ANKAR: variants seen among roughly 807,000 people sequenced by gnomAD.
ANKAR encodes ankyrin and armadillo repeat-containing protein.
ANKAR carries 136 observed loss-of-function variants against 146.2 expected under a neutral mutation model. The ratio of observed to expected loss-of-function variants is 0.93; its 90% CI spans 0.81 to 1.07. The LOEUF is 1.07. Ranked by LOEUF, ANKAR falls within the 50% of genes least tolerant of loss-of-function variation. ANKAR has a pLI of 0.00. For synonymous variants in ANKAR, 500 were observed against 575.8 expected, an observed-to-expected ratio of 0.87 and a Z score of 1.88; for missense variants, 1,567 against 1,679.9, an observed-to-expected ratio of 0.93 and a Z score of 1.18.
intron 20 of ANKAR, among the ~76,000 whole-genome samples, chr2:189,742,935 C>CTAGAATTACCTG (rs1430727405): frequency 2.2e-5 from 3 of 136,698 alleles, no homozygotes; most frequent in Non-Finnish European, 1.6e-5. Context: ...CACACACACA[C>CTAGAATTACCTG]ACACACACAC....
chr2:189,762,338 G>C (rs1310608304), downstream of ANKAR, among the ~76,000 whole-genome samples: 1 of 152,096 alleles, frequency 6.6e-6, no homozygotes, highest in Non-Finnish European at 1.5e-5. Context: ...CAGATCATCC[G>C]TTCTAAAACT....
At chr2:189,679,305 T>C (rs2034265265) in intron 2 of ANKAR, among the ~76,000 whole-genome samples, 1 of 152,238 alleles carries the variant, frequency 6.6e-6, no homozygotes, top group Non-Finnish European at 1.5e-5. Flanking sequence ...TTTGTGTTCA[T>C]TGATTTTGTA....
At chr2:189,703,267 A>C (rs2038347944) in intron 7 of ANKAR, among the ~76,000 whole-genome samples, 1 of 152,332 alleles carries the variant, frequency 6.6e-6, no homozygotes, top group East Asian at 1.9e-4. Flanking sequence ...GGGTTGGATA[A>C]GGGCAAAACA....
intron 7 of ANKAR, among the ~76,000 whole-genome samples, chr2:189,698,628 C>T (rs1305786737): frequency 2.6e-5 from 4 of 152,154 alleles, no homozygotes; most frequent in Admixed American, 2.0e-4. Flanking sequence ...AAATTACGTA[C>T]AACGAACTGA....
At chr2:189,761,376 C>T, downstream of ANKAR, 1 of 1,553,458 alleles carries the variant, frequency 6.4e-7, no homozygotes, top group Non-Finnish European at 8.6e-7. Context: ...AATGATTTTA[C>T]TTTTTCCAAA....
intron 2 of ANKAR, 43 bp downstream of exon 2, chr2:189,677,134 TG>T (rs113424445): frequency 0.016 from 14,545 of 910,550 alleles, 2 homozygotes; most frequent in Middle Eastern, 0.02. Context: ...TTTTTTTTTT[TG>T]GAACAGAGTC....
At chr2:189,711,618 C>T (rs1157954173) in intron 10 of ANKAR, among the ~76,000 whole-genome samples, 1 of 152,172 alleles carries the variant, frequency 6.6e-6, no homozygotes, top group Admixed American at 6.5e-5. Flanking sequence ...AATGGCTCTA[C>T]TGGGGTCCGT....
chr2:189,700,008 T>G (rs147793042), intron 7 of ANKAR, among the ~76,000 whole-genome samples: 2 of 152,102 alleles, frequency 1.3e-5, no homozygotes, highest in East Asian at 3.9e-4. Flanking sequence ...TTAGCTCAAT[T>G]AAGACAAAGA....
In ANKAR at chr2:189,676,549, C is replaced by G. The variant is rs1486784723; in HGVS notation, c.59C>G (p.Thr20Ser). ...PRFEQVQDED[T>S]YLENLAIQRN... ...TTTGAGCAAGTTCAGGATGAAGACA[C>G]CTACCTGGAAAATTTAGCAATACAA... The change falls in exon 2 of 23, where the codon ACC (threonine) becomes AGC (serine). Residue 20 changes from threonine (T) to serine (S), a missense_variant. Coordinates refer to ENST00000684021, the MANE Select transcript of ANKAR (RefSeq NM_001378068.1). 1 of 1,600,366 alleles carries G rather than the reference C, an allele frequency of 6.2e-7. No homozygotes were observed. The highest frequency in any genetic ancestry group is 1.3e-5 in the African/African-American group (1 of 74,736).
At chr2:189,681,011 T>TG (rs397818188) in intron 2 of ANKAR, among the ~76,000 whole-genome samples, 8 of 151,186 alleles carry the variant, frequency 5.3e-5, no homozygotes, top group Non-Finnish European at 8.9e-5. Flanking sequence ...GCCTTGACAT[T>TG]CTGACGAAAT....
chr2:189,714,830 C>T (rs751535905), intron 10 of ANKAR, among the ~76,000 whole-genome samples: 22 of 151,754 alleles, frequency 1.4e-4, no homozygotes, highest in South Asian at 4.2e-4. Flanking sequence ...CCTGTAGTCC[C>T]GGCTACTTGG....
At position 189,737,792 on chromosome 2, in the gene ANKAR, G is replaced by A. The variant is rs756437780; in HGVS notation, c.3533G>A (p.Arg1178His). 19 of 1,578,022 alleles carry A rather than the reference G, an allele frequency of 1.2e-5. No individual in the cohort carries two copies. Among genetic ancestry groups the A allele is most frequent in the East Asian group, 2.4e-5 (1 of 41,916 alleles). The change falls in exon 18 of 23, where the codon CGT becomes CAT. Residue 1178 changes from arginine to histidine, a missense_variant. Arg to His is a conservative substitution (Grantham distance 29). Coordinates refer to ENST00000684021, the MANE Select transcript of ANKAR (RefSeq NM_001378068.1). ...ATAATGACCATATCTATTTTTGAAC[G>A]TTTTCTTGAATCAACAGTTGAAACT... ...SGIMTISIFE[R>H]FLESTVETEK... is the part of the protein sequence containing the mutation.
chr2:189,752,654 T>C (rs1200673079), intron 18 of ANKAR: 2 of 1,613,654 alleles, frequency 1.2e-6, no homozygotes, highest in Admixed American at 3.3e-5. Flanking sequence ...ACCACATACT[T>C]TGGTTCATAG....
Position 189,746,597 on chromosome 2 carries a change from G to A in ANKAR, c.4275G>A (p.Gln1425=), listed in dbSNP as rs572128308. ...TGAACCAACTTGGGAAACATGTCCA[G>A]AAAGCCAACCCAGAGCCTGCAGAAG... ...VCLNQLGKHV[Q]KANPEPAEG is the part of the protein sequence containing the mutation. The change falls in exon 23 of 23, where the codon CAG becomes CAA. Residue 1425 remains glutamine (Q), a synonymous_variant. Coordinates refer to ENST00000684021, the MANE Select transcript of ANKAR (RefSeq NM_001378068.1). 7.0e-5 allele frequency: 112 copies of A among 1,611,426 alleles called. No individual in the cohort carries two copies. In the Middle Eastern group the frequency reaches 8.3e-4, roughly 12 times the overall value.
chr2:189,745,021 C>CTAATAA lies in ANKAR; in HGVS notation c.4057+235_4057+236insATAATA, dbSNP rs1249558167. ...ACTACTACTACTACTACTACTACTA[C>CTAATAA]TACTACTAATAATACAAAAATTAGC... On this transcript the variant is annotated intron_variant, in intron 22 of 22. Coordinates refer to ENST00000684021, the MANE Select transcript of ANKAR (RefSeq NM_001378068.1). Among the ~76,000 whole-genome samples the CTAATAA allele has an allele frequency of 4.9e-4, 20 of 41,098 alleles. No individual in the cohort carries two copies. The South Asian group carries it at 7.6e-3, about 16-fold the overall frequency. 27.0% of individuals were successfully genotyped at this position (41,098 alleles called of 152,430 possible).
chr2:189,715,518 G>T (rs945696902), intron 10 of ANKAR, among the ~76,000 whole-genome samples: 13 of 152,186 alleles, frequency 8.5e-5, no homozygotes, highest in African/African-American at 2.9e-4. Context: ...ATACAAAGAG[G>T]AGCTGGTACC....
chr2:189,675,886 G>A (rs929871094), intron 1 of ANKAR: 1 of 152,472 alleles, frequency 6.6e-6, no homozygotes, highest in African/African-American at 2.4e-5. Context: ...AGATCTGGTT[G>A]TTTAAGAGTA....
chr2:189,706,951 C>G lies in ANKAR; in HGVS notation c.1924C>G (p.Pro642Ala). 6.2e-7 allele frequency: 1 copy of G among 1,612,008 alleles called. No individual in the cohort carries two copies. The change falls in exon 9 of 23, where the codon CCA becomes GCA. Residue 642 changes from proline to alanine, a missense_variant. By Grantham distance (27) the Pro-to-Ala change is conservative. Coordinates refer to ENST00000684021, the MANE Select transcript of ANKAR (RefSeq NM_001378068.1). The stretch of plus-strand genomic sequence containing the variant: ...CTTAATTTTTAGGAATCAGTGCACT[C>G]CACTGTTACTTGCTGCCACTTCAGG... Reference protein sequence around the residue: ...AEATAENQCTPLLLAATSGAL... With the variant: ...AEATAENQCTALLLAATSGAL...
rs1469681833 is a variant in ANKAR at position 189,708,461 on chromosome 2, CTG to C, written c.2119+1317_2119+1318del. Among the ~76,000 whole-genome samples the C allele has an allele frequency of 3.9e-5, 6 of 152,336 alleles. No individual in the cohort carries two copies. The East Asian group carries it at 9.6e-4, about 24-fold the overall frequency. ...AAAAGTGATACACATTCGGAAGAAA[CTG>C]TACTTACAGTCCTCATACAACCATT... On this transcript the variant is annotated intron_variant, in intron 9 of 22. Coordinates refer to ENST00000684021, the MANE Select transcript of ANKAR (RefSeq NM_001378068.1).
Sources: gnomAD v4.1 joint callset for allele counts (sites outside exome capture counted in the v4.1 genomes callset) on GRCh38, gnomAD v4.1.1 for gene constraint, MANE v1.5 for transcripts, NCBI Gene and HGNC (gene_info 2026-07-23, HGNC 2026-07-21) for gene names.